The following DOCK1 variants were observed in gnomAD, a reference collection of about 807,000 sequenced individuals.
DOCK1 encodes the protein dedicator of cytokinesis 1, also known as dedicator of cytokinesis protein 1.
A neutral mutation model predicts 262.7 loss-of-function variants in DOCK1; 138 were observed. The ratio of observed to expected loss-of-function variants is 0.53; its 90% CI spans 0.46 to 0.61. DOCK1 has a LOEUF of 0.61. Ranked by LOEUF, DOCK1 falls within the 20% of genes least tolerant of loss-of-function variation. The pLI is 0.00. For synonymous variants in DOCK1, 866 were observed against 867.4 expected (o/e 1.00, Z 0.03); for missense variants, 1,908 against 2,370.7 (o/e 0.80, Z 4.05).
rs142083557 is a variant in DOCK1, at chr10:127,297,939, C to T, written c.3044+40510C>T. Among the ~76,000 whole-genome samples, 498 of 152,158 alleles carry T rather than the reference C, an allele frequency of 3.3e-3. 4 individuals are homozygous for T. Among genetic ancestry groups the T allele is most frequent in the African/African-American group, 0.011 (465 of 41,534 alleles). ...TCTGCTTGCTAATCTGAATATTACT[C>T]ATTTCAAGGTTTTGTTTATATTATC... On this transcript the variant is annotated intron_variant, in intron 29 of 51. Transcript: ENST00000623213.
chr10:127,312,318 G>A (rs1287055782), intron 29 of DOCK1, among the ~76,000 whole-genome samples: 6 of 152,142 alleles, frequency 3.9e-5, no homozygotes, highest in East Asian at 1.9e-4. Flanking sequence ...TTCCTAGGAC[G>A]GGGCAGCAGA....
chr10:127,093,807 A>C (rs1385600456), intron 23 of DOCK1, among the ~76,000 whole-genome samples: 2 of 152,188 alleles, frequency 1.3e-5, no homozygotes, highest in Non-Finnish European at 2.9e-5. Flanking sequence ...ATAACAAAAT[A>C]CCTGAGACTC....
At chr10:127,247,423 G>T (rs139896893) in intron 27 of DOCK1, among the ~76,000 whole-genome samples, 22 of 152,126 alleles carry the variant, frequency 1.4e-4, no homozygotes, top group African/African-American at 4.8e-4. Context: ...GGCACAGGGG[G>T]ATACAGGCTG....
chr10:127,407,993 T>C (rs1008309176), intron 40 of DOCK1, among the ~76,000 whole-genome samples: 1 of 151,990 alleles, frequency 6.6e-6, no homozygotes, highest in Non-Finnish European at 1.5e-5. Flanking sequence ...TTACACTAGG[T>C]ACTCATTGGC....
intron 29 of DOCK1, among the ~76,000 whole-genome samples, chr10:127,304,371 G>A (rs2061799501): frequency 6.6e-6 from 1 of 152,112 alleles, no homozygotes; most frequent in Non-Finnish European, 1.5e-5. Flanking sequence ...TATGGTGAGC[G>A]AAATTCTAAT....
chr10:127,201,491 C>T (rs1458226733), intron 27 of DOCK1, among the ~76,000 whole-genome samples: 7 of 152,122 alleles, frequency 4.6e-5, no homozygotes, highest in Non-Finnish European at 1.0e-4. Flanking sequence ...ACCTGAGCAT[C>T]GTGAGGACTC....
intron 27 of DOCK1, among the ~76,000 whole-genome samples, chr10:127,172,206 C>G (rs2054640383): frequency 6.6e-6 from 1 of 152,130 alleles, no homozygotes. Context: ...TTCTAAAGTC[C>G]TAGAACTTGC....
intron 27 of DOCK1, among the ~76,000 whole-genome samples, chr10:127,229,875 C>G (rs2134545844): frequency 6.6e-6 from 1 of 152,304 alleles, no homozygotes; most frequent in South Asian, 2.1e-4. Context: ...TCCCGTTTCT[C>G]CACATCCTAA....
chr10:127,213,980 C>T (rs545910422), intron 27 of DOCK1, among the ~76,000 whole-genome samples: 68 of 152,298 alleles, frequency 4.5e-4, no homozygotes, highest in Middle Eastern at 3.4e-3. Flanking sequence ...GCTGGGACTA[C>T]AGGCACCCGC....
intron 28 of DOCK1, among the ~76,000 whole-genome samples, chr10:127,254,982 A>C (rs1341543447): frequency 6.6e-6 from 1 of 152,202 alleles, no homozygotes; most frequent in Non-Finnish European, 1.5e-5. Flanking sequence ...GTTTTATTCT[A>C]GTGGGTGGGC....
Position 127,052,747 on chromosome 10 carries a change from G to T in DOCK1, c.2268G>T (p.Leu756=). The change falls in exon 22 of 52, where the codon CTG becomes CTT. Residue 756 remains leucine, a synonymous_variant. Coordinates refer to ENST00000623213, the MANE Select transcript of DOCK1 (RefSeq NM_001290223.2). ...GAEKPGVNEQ[L]YKAMKALESI... ...AGAAGCCGGGAGTAAATGAGCAGCT[G>T]TACAAAGCCATGAAAGCGCTAGAAT... The T allele has an allele frequency of 6.2e-7, 1 of 1,613,942 alleles. No homozygotes were observed.
At chr10:127,362,994 C>T (rs1248069026) in intron 33 of DOCK1, among the ~76,000 whole-genome samples, 3 of 128,872 alleles carry the variant, frequency 2.3e-5, no homozygotes, top group African/African-American at 8.1e-5. Context: ...CATCCCCCCC[C>T]ACACACACAC....
chr10:127,133,922 T>C lies in DOCK1; in HGVS notation c.2847+6158T>C, dbSNP rs146098766. ...AAATATGCTAGTGATAGAGTTTCTG[T>C]AGGTCAAAGAAGACGTGCTGGTGTG... On this transcript the variant is annotated intron_variant, in intron 27 of 51. Coordinates refer to ENST00000623213, the MANE Select transcript of DOCK1 (RefSeq NM_001290223.2). 7.6e-3 allele frequency among the ~76,000 whole-genome samples: 1,158 copies of C among 152,310 alleles called. 13 individuals are homozygous for C. Among genetic ancestry groups the C allele is most frequent in the African/African-American group, 0.027 (1,115 of 41,566 alleles).
At chr10:126,961,698 G>T (rs2037235251) in intron 1 of DOCK1, among the ~76,000 whole-genome samples, 1 of 152,210 alleles carries the variant, frequency 6.6e-6, no homozygotes, top group Admixed American at 6.5e-5. Context: ...AAGGCCGATG[G>T]ATATTCCACT....
intron 29 of DOCK1, among the ~76,000 whole-genome samples, chr10:127,310,395 A>G (rs2062023609): frequency 1.3e-5 from 2 of 152,082 alleles, no homozygotes; most frequent in African/African-American, 2.4e-5. Context: ...GCTGAGTGCT[A>G]AATTAGGGAG....
chr10:126,914,561 A>C (rs1323508324), intron 1 of DOCK1, among the ~76,000 whole-genome samples: 1 of 152,112 alleles, frequency 6.6e-6, no homozygotes, highest in Non-Finnish European at 1.5e-5. Context: ...GCTAATTAAA[A>C]AAAACTTTTT....
At chr10:127,023,857 T>A (rs947463134) in intron 14 of DOCK1, among the ~76,000 whole-genome samples, 2 of 152,066 alleles carry the variant, frequency 1.3e-5, no homozygotes, top group African/African-American at 4.8e-5. Context: ...ATTGTTACGA[T>A]TTGAGAGATG....
At chr10:126,971,048 CT>C (rs375065109) in intron 2 of DOCK1, among the ~76,000 whole-genome samples, 306 of 142,804 alleles carry the variant, frequency 2.1e-3, no homozygotes, top group Admixed American at 2.4e-3. Flanking sequence ...ATGTGTAAAT[CT>C]TTTTTTTTTT....
chr10:127,142,532 G>A (rs2051364179), intron 27 of DOCK1, among the ~76,000 whole-genome samples: 1 of 152,200 alleles, frequency 6.6e-6, no homozygotes, highest in Admixed American at 6.5e-5. Context: ...GAAGCAGCTG[G>A]AGCCAGGCCA....
Sources: allele counts gnomAD v4.1 joint callset (sites outside exome capture counted in the v4.1 genomes callset), GRCh38; gene constraint gnomAD v4.1.1; transcripts MANE v1.5; gene names NCBI Gene and HGNC (gene_info 2026-07-23, HGNC 2026-07-21).